RNF128: variants seen among roughly 807,000 people sequenced by gnomAD.
RNF128 encodes E3 ubiquitin-protein ligase RNF128.
RNF128 carries 13 observed loss-of-function variants against 26.2 expected under a neutral mutation model. The ratio of observed to expected loss-of-function variants is 0.50; its 90% CI spans 0.32 to 0.79. The LOEUF (loss-of-function observed/expected upper bound fraction) is 0.79, where lower values mean the gene tolerates loss of function less well. Ranked by LOEUF, RNF128 falls within the 30% of genes least tolerant of loss-of-function variation. The pLI is 0.03. For missense variants in RNF128, 315 were observed against 349.7 expected, an observed-to-expected ratio of 0.90 and a Z score of 0.79; for synonymous variants, 149 against 142.5, an observed-to-expected ratio of 1.05 and a Z score of -0.32.
intron 6 of RNF128, 71 bp from the exon 7 acceptor site, chrX:106,795,509 G>A: frequency 9.9e-7 from 1 of 1,008,413 alleles, no homozygotes; most frequent in Non-Finnish European, 1.3e-6. Context: ...CTTCTTGGAA[G>A]TAAATGTTGA....
At chrX:106,724,898 G>T (rs754808399), upstream of RNF128, among the ~76,000 whole-genome samples, 1 of 111,929 alleles carries the variant, frequency 8.9e-6, no homozygotes, top group Admixed American at 9.5e-5. Context: ...ATTTGATTTT[G>T]CACCACAATG....
At chrX:106,746,480 G>A (rs1929797403) in intron 1 of RNF128, among the ~76,000 whole-genome samples, 1 of 111,367 alleles carries the variant, frequency 9.0e-6, no homozygotes, top group Non-Finnish European at 1.9e-5. Context: ...GTGAATTTGT[G>A]TTTACAAATA....
intron 4 of RNF128, 30 bp downstream of exon 4, chrX:106,788,030 T>A (rs1930688208): frequency 1.1e-6 from 1 of 908,468 alleles, no homozygotes; most frequent in Non-Finnish European, 1.5e-6. Context: ...ATATCTTCAA[T>A]AAAATAGCTG....
chrX:106,786,104 C>G (rs1380975411), intron 3 of RNF128, among the ~76,000 whole-genome samples: 6 of 111,528 alleles, frequency 5.4e-5, no homozygotes, highest in Non-Finnish European at 1.1e-4. Context: ...TGCAAAAGAA[C>G]TAGAATGAAC....
chrX:106,726,392 C>T (rs974461971), upstream of RNF128, among the ~76,000 whole-genome samples: 13 of 111,398 alleles, frequency 1.2e-4, no homozygotes, highest in African/African-American at 3.9e-4. Context: ...ATTCTGGCAC[C>T]GTAAGCCCGA....
At chrX:106,707,664 C>A (rs1929065848) in intron 1 of RNF128, among the ~76,000 whole-genome samples, 1 of 110,337 alleles carries the variant, frequency 9.1e-6, no homozygotes, top group African/African-American at 3.3e-5. Context: ...TTTTTTGTGT[C>A]TCAGGAGTCC....
rs757961745 is a variant in RNF128 at position 106,788,020 on chromosome X, A to G, written c.887+20A>G. 1.0e-5 allele frequency: 10 copies of G among 986,887 alleles called. No homozygotes were observed. Among genetic ancestry groups the G allele is most frequent in the Admixed American group, 2.9e-5 (1 of 34,473 alleles). 81.3% of individuals were successfully genotyped at this position (986,887 alleles called of 1,213,427 possible). A position where few individuals can be genotyped will look rare whatever the true frequency, so the allele number is the denominator to read the frequency against. ...GTGCAAGTAAGTTTGATTTTCTTCT[A>G]TATCTTCAATAAAATAGCTGACCCA... On this transcript the variant is annotated intron_variant, in intron 4 of 6. Transcript: ENST00000255499.
At chrX:106,697,650 A>G (rs1928894431) in intron 1 of RNF128, among the ~76,000 whole-genome samples, 2 of 111,662 alleles carry the variant, frequency 1.8e-5, no homozygotes, top group South Asian at 7.5e-4. Context: ...CTTGCCTCAC[A>G]TGGTTTCATG....
intron 1 of RNF128, among the ~76,000 whole-genome samples, chrX:106,767,169 T>C (rs765809225): frequency 1.8e-4 from 20 of 112,062 alleles, no homozygotes; most frequent in African/African-American, 6.5e-4. Context: ...AGCTTTGTTC[T>C]TTTGACTTAG....
intron 4 of RNF128, among the ~76,000 whole-genome samples, chrX:106,788,490 A>AT (rs1481788996): frequency 2.0e-4 from 11 of 54,716 alleles, no homozygotes; most frequent in African/African-American, 8.3e-4. Flanking sequence ...TATATATTAT[A>AT]ATTATAATTA....
At chrX:106,793,107 G>A (rs969886759) in intron 6 of RNF128, among the ~76,000 whole-genome samples, 4 of 111,032 alleles carry the variant, frequency 3.6e-5, no homozygotes, top group Non-Finnish European at 1.9e-5. Flanking sequence ...TTATTAAAAC[G>A]GAAAGGTCAC....
chrX:106,698,633 G>GA (rs926411191), intron 1 of RNF128, among the ~76,000 whole-genome samples: 1 of 111,204 alleles, frequency 9.0e-6, no homozygotes, highest in African/African-American at 3.3e-5. Context: ...GCATCTCCAA[G>GA]ACACCACTCA....
intron 1 of RNF128, among the ~76,000 whole-genome samples, chrX:106,699,509 T>A (rs1928920819): frequency 8.9e-6 from 1 of 111,776 alleles, no homozygotes; most frequent in Non-Finnish European, 1.9e-5. Context: ...GCTCTCGCAC[T>A]GACTACTGCA....
At chrX:106,726,647 C>G (rs1211655845), upstream of RNF128, 7 of 970,627 alleles carry the variant, frequency 7.2e-6, no homozygotes, top group African/African-American at 8.2e-5. Flanking sequence ...ACCTCTACCC[C>G]CAGTCGGCTG....
At chrX:106,783,260 A>G (rs1022956565) in intron 2 of RNF128, among the ~76,000 whole-genome samples, 5 of 111,702 alleles carry the variant, frequency 4.5e-5, no homozygotes, top group Middle Eastern at 4.6e-3. Context: ...TTGGGCATCA[A>G]TGAGATTCCT....
chrX:106,795,739 C>A lies in RNF128; in HGVS notation c.*26C>A. The A allele has an allele frequency of 8.7e-7, 1 of 1,146,671 alleles. No individual in the cohort carries two copies. The highest frequency in any genetic ancestry group is 1.2e-6 in the Non-Finnish European group (1 of 854,536). The allele number at this position is 1,146,671 out of a possible 1,213,427, so 94.5% of individuals were successfully genotyped here. ...AATCTGTGTAAATAGAAAACTTGAA[C>A]CATTAGTAATAACAGAACTGCCAAT... On this transcript the variant is annotated 3_prime_UTR_variant, in exon 7 of 7. Transcript: ENST00000255499.
At chrX:106,767,388 G>A (rs1047263514) in intron 1 of RNF128, among the ~76,000 whole-genome samples, 4 of 111,241 alleles carry the variant, frequency 3.6e-5, no homozygotes, top group Non-Finnish European at 5.7e-5. Context: ...CTTTTATTTC[G>A]TTGAGCAGTG....
chrX:106,749,968 A>G (rs1322661427), intron 1 of RNF128, among the ~76,000 whole-genome samples: 3 of 112,345 alleles, frequency 2.7e-5, no homozygotes, highest in African/African-American at 9.7e-5. Context: ...AAATAGTTAC[A>G]GATTTTGAAT....
chrX:106,730,314 A>G (rs1022830840), intron 1 of RNF128, among the ~76,000 whole-genome samples: 2 of 112,467 alleles, frequency 1.8e-5, no homozygotes, highest in Non-Finnish European at 3.8e-5. Flanking sequence ...ATTCACACAG[A>G]TAAATAATTG....
Sources: allele counts gnomAD v4.1 joint callset (sites outside exome capture counted in the v4.1 genomes callset), GRCh38; gene constraint gnomAD v4.1.1; transcripts MANE v1.5; gene names NCBI Gene and HGNC (gene_info 2026-07-23, HGNC 2026-07-21).